DCUN1D3: variants seen among roughly 807,000 people sequenced by gnomAD.
The protein encoded by DCUN1D3 is defective in cullin neddylation 1 domain containing 3, also known as DCN1-like protein 3.
Under a neutral mutation model 24.8 loss-of-function variants are expected in DCUN1D3, and 6 were observed. The ratio of observed to expected loss-of-function variants is 0.24; its 90% CI spans 0.13 to 0.48. The LOEUF (loss-of-function observed/expected upper bound fraction) is 0.48, where lower values mean the gene tolerates loss of function less well. DCUN1D3 is among the 20% of genes least tolerant of loss of function. The pLI is 0.99. For missense variants in DCUN1D3, 258 were observed against 379.4 expected (o/e 0.68, Z 2.66); for synonymous variants, 120 against 144.9 (o/e 0.83, Z 1.24).
chr16:20,883,689 G>A (rs1374521463), intron 1 of DCUN1D3, among the ~76,000 whole-genome samples: 1 of 152,114 alleles, frequency 6.6e-6, no homozygotes, highest in East Asian at 1.9e-4. Flanking sequence ...AGGAGCTTAG[G>A]CCAAACTGTT....
At chr16:20,894,014 C>T (rs2081904256) in intron 1 of DCUN1D3, among the ~76,000 whole-genome samples, 1 of 152,258 alleles carries the variant, frequency 6.6e-6, no homozygotes, top group Middle Eastern at 3.4e-3. Flanking sequence ...CGCCTGTAAC[C>T]CCAGCACTTT....
chr16:20,885,876 C>T (rs1297319361), intron 1 of DCUN1D3, among the ~76,000 whole-genome samples: 1 of 152,152 alleles, frequency 6.6e-6, no homozygotes, highest in Non-Finnish European at 1.5e-5. Flanking sequence ...AGCCTTGAAT[C>T]CATGCACTGG....
chr16:20,878,666 C>T (rs888315728), intron 1 of DCUN1D3, among the ~76,000 whole-genome samples: 1 of 152,182 alleles, frequency 6.6e-6, no homozygotes, highest in African/African-American at 2.4e-5. Flanking sequence ...GCTTTAAATA[C>T]GAATTCAACT....
At chr16:20,871,402 C>CT (rs1333131638) in intron 1 of DCUN1D3, among the ~76,000 whole-genome samples, 1 of 152,150 alleles carries the variant, frequency 6.6e-6, no homozygotes, top group African/African-American at 2.4e-5. Flanking sequence ...ACAGAGAAAA[C>CT]TTTTAAAAAA....
At chr16:20,894,767 C>A (rs927401251) in intron 1 of DCUN1D3, among the ~76,000 whole-genome samples, 1 of 152,228 alleles carries the variant, frequency 6.6e-6, no homozygotes, top group African/African-American at 2.4e-5. Flanking sequence ...CACCTCAAGA[C>A]TGATTTACTA....
rs201480235 is a variant in DCUN1D3 at position 20,860,081 on chromosome 16, C to T, written c.720G>A (p.Arg240=). ...ENPSGIKGIS[R]DTWNMFLNFT... ...AGTTAAGGAACATGTTCCAAGTGTC[C>T]CGGGAGATGCCCTTGATCCCCGAGG... Residue 240 remains arginine, a synonymous_variant, in exon 3 of 3, where the codon CGG becomes CGA. Transcript: ENST00000324344. The surrounding 1 kb of genome is among the most constrained non-coding windows in gnomAD (Gnocchi z 4.3). The T allele has an allele frequency of 2.3e-4, 374 of 1,614,232 alleles. 2 individuals carry two copies. The Middle Eastern group carries it at 0.013, about 55-fold the overall frequency.
chr16:20,876,524 C>A (rs2081816500), intron 1 of DCUN1D3, among the ~76,000 whole-genome samples: 1 of 151,444 alleles, frequency 6.6e-6, no homozygotes, highest in Non-Finnish European at 1.5e-5. Flanking sequence ...TGAGTATAGC[C>A]ACTATGGAAA....
intron 1 of DCUN1D3, 88 bp downstream of exon 1, chr16:20,900,116 C>G (rs1222676477): frequency 1.4e-5 from 2 of 144,640 alleles, no homozygotes; most frequent in African/African-American, 5.1e-5. Flanking sequence ...CTTTCCACCC[C>G]CCTTTCTCGA....
intron 1 of DCUN1D3, among the ~76,000 whole-genome samples, chr16:20,866,047 C>A (rs1567422789): frequency 1.3e-5 from 2 of 152,122 alleles, no homozygotes; most frequent in Admixed American, 1.3e-4. Flanking sequence ...AAACAACCAT[C>A]CTAAGTAAGT....
At chr16:20,894,072 G>T (rs868591382) in intron 1 of DCUN1D3, among the ~76,000 whole-genome samples, 1 of 152,136 alleles carries the variant, frequency 6.6e-6, no homozygotes, top group Admixed American at 6.5e-5. Context: ...TCTGAGACCA[G>T]CCTGGGCAAC....
At chr16:20,882,114 ACT>A (rs1348930243) in intron 1 of DCUN1D3, among the ~76,000 whole-genome samples, 1 of 149,910 alleles carries the variant, frequency 6.7e-6, no homozygotes, top group African/African-American at 2.5e-5. Context: ...TCTTATACAC[ACT>A]GTTACCACTG....
intron 1 of DCUN1D3, among the ~76,000 whole-genome samples, chr16:20,865,171 A>C (rs2081755525): frequency 6.6e-6 from 1 of 152,066 alleles, no homozygotes; most frequent in African/African-American, 2.4e-5. Flanking sequence ...GTTACCAAAA[A>C]TAAATAAATA....
At chr16:20,887,682 A>G (rs758600226) in intron 1 of DCUN1D3, among the ~76,000 whole-genome samples, 1 of 152,210 alleles carries the variant, frequency 6.6e-6, no homozygotes, top group Non-Finnish European at 1.5e-5. Flanking sequence ...AGTAAACTCT[A>G]AGCAGTCAGG....
At chr16:20,880,441 T>C (rs9930391) in intron 1 of DCUN1D3, among the ~76,000 whole-genome samples, 95,429 of 151,158 alleles carry the variant, frequency 0.63, 31,104 homozygotes, top group Non-Finnish European at 0.72. Context: ...TTCTACAAAA[T>C]CACAAATAAA....
At chr16:20,892,225 A>T (rs966905569) in intron 1 of DCUN1D3, among the ~76,000 whole-genome samples, 3 of 152,208 alleles carry the variant, frequency 2.0e-5, no homozygotes, top group Non-Finnish European at 2.9e-5. Context: ...CTAAATTTCT[A>T]AGAGAAAAAG....
intron 1 of DCUN1D3, among the ~76,000 whole-genome samples, chr16:20,883,511 T>C (rs9939128): frequency 0.61 from 92,082 of 151,422 alleles, 29,418 homozygotes; most frequent in Non-Finnish European, 0.72. Flanking sequence ...CAACTCCATC[T>C]CAAAAAAAAA....
In DCUN1D3 at chr16:20,879,450, A is replaced by G. The variant is rs2081831958; in HGVS notation, c.-105-16807T>C. The stretch of plus-strand genomic sequence containing the variant: ...CCTTTTTTGAGGCTGGTCAAAGAGG[A>G]AATGTTTGAAACCCTGAATATGACT... On this transcript the variant is annotated intron_variant, in intron 1 of 2. Coordinates refer to ENST00000324344, the MANE Select transcript of DCUN1D3 (RefSeq NM_173475.4). Among the ~76,000 whole-genome samples the G allele has an allele frequency of 2.0e-5, 3 of 152,220 alleles. No individual in the cohort carries two copies. In the South Asian group the frequency reaches 6.2e-4, roughly 32 times the overall value.
At chr16:20,898,346 A>G (rs576511211) in intron 1 of DCUN1D3, among the ~76,000 whole-genome samples, 4 of 152,308 alleles carry the variant, frequency 2.6e-5, no homozygotes, top group South Asian at 4.1e-4. Flanking sequence ...ACTGGGATAT[A>G]TATTATGTCT....
intron 2 of DCUN1D3, among the ~76,000 whole-genome samples, chr16:20,861,794 C>CA (rs1285671064): frequency 6.6e-6 from 1 of 151,336 alleles, no homozygotes; most frequent in Non-Finnish European, 1.5e-5. Flanking sequence ...CCATAGCGTA[C>CA]ACATTAGAAC....
Sources: allele counts gnomAD v4.1 joint callset (sites outside exome capture counted in the v4.1 genomes callset), GRCh38; gene constraint gnomAD v4.1.1; non-coding constraint Gnocchi (gnomAD v3.1); transcripts MANE v1.5; gene names NCBI Gene and HGNC (gene_info 2026-07-23, HGNC 2026-07-21).